Variants in CLNK observed in about 807,000 individuals in gnomAD.
The protein encoded by CLNK is cytokine-dependent hematopoietic cell linker.
CLNK carries 74 observed loss-of-function variants against 68.6 expected under a neutral mutation model. The observed-to-expected ratio is 1.08, with a 90% CI of 0.89 to 1.31. The LOEUF (loss-of-function observed/expected upper bound fraction) is 1.31. Among genes scored for constraint, CLNK ranks in the 50% most tolerant of loss-of-function variants. CLNK has a pLI of 0.00. For missense variants in CLNK, 553 were observed against 515.3 expected, an observed-to-expected ratio of 1.07 and a Z score of -0.71; for synonymous variants, 198 against 172.2, an observed-to-expected ratio of 1.15 and a Z score of -1.17.
chr4:10,681,821 C>A (rs941288606), intron 1 of CLNK, among the ~76,000 whole-genome samples: 2 of 152,106 alleles, frequency 1.3e-5, no homozygotes, highest in African/African-American at 4.8e-5. Flanking sequence ...TCATTTCTGG[C>A]ATATCCTCCT....
chr4:10,584,215 T>G (rs1720891319), intron 4 of CLNK, among the ~76,000 whole-genome samples: 1 of 152,200 alleles, frequency 6.6e-6, no homozygotes. Context: ...ACATGCTGAG[T>G]GCTGGTTTTG....
chr4:10,542,819 T>C (rs1275635186), intron 8 of CLNK, among the ~76,000 whole-genome samples: 1 of 151,622 alleles, frequency 6.6e-6, no homozygotes, highest in Non-Finnish European at 1.5e-5. Context: ...CTTTATTTTA[T>C]GGATGAAAAA....
At chr4:10,647,570 A>T (rs913623255) in intron 2 of CLNK, among the ~76,000 whole-genome samples, 1 of 152,152 alleles carries the variant, frequency 6.6e-6, no homozygotes, top group African/African-American at 2.4e-5. Flanking sequence ...TTGAGCTCTG[A>T]CTTGTAGAAA....
chr4:10,520,810 G>A lies in CLNK; in HGVS notation c.753C>T (p.Asn251=). The A allele has an allele frequency of 6.2e-7, 1 of 1,606,856 alleles. No individual in the cohort carries two copies. The highest frequency in any genetic ancestry group is 1.3e-5 in the African/African-American group (1 of 74,928). ...AISSSSFTTS[N]HSVQNRDHRG... ...TCTTACCTCTGTTTTGCACACTGTG[G>A]TTGCTTGTCGTGAATGAAGAACTAT... The change falls in exon 15 of 19, where the codon AAC becomes AAT. Residue 251 remains asparagine, a synonymous_variant. Transcript: ENST00000226951.
At chr4:10,543,536 G>T (rs752942611) in intron 8 of CLNK, among the ~76,000 whole-genome samples, 1 of 152,118 alleles carries the variant, frequency 6.6e-6, no homozygotes, top group Admixed American at 6.5e-5. Context: ...GTGCCTGGGC[G>T]CAGGGGGACT....
intron 2 of CLNK, among the ~76,000 whole-genome samples, chr4:10,651,274 A>G (rs1387093896): frequency 6.6e-6 from 1 of 152,236 alleles, no homozygotes; most frequent in African/African-American, 2.4e-5. Flanking sequence ...CACTATTCAC[A>G]ATACCAAAGA....
intron 2 of CLNK, among the ~76,000 whole-genome samples, chr4:10,641,571 C>T (rs1003173853): frequency 6.6e-6 from 1 of 152,154 alleles, no homozygotes; most frequent in Non-Finnish European, 1.5e-5. Context: ...GATGTATTCC[C>T]CCAGTTGCTG....
intron 2 of CLNK, among the ~76,000 whole-genome samples, chr4:10,658,449 A>C (rs549264088): frequency 1.3e-5 from 2 of 152,290 alleles, no homozygotes; most frequent in Admixed American, 6.5e-5. Context: ...GTTTGTTTTT[A>C]TCTCTCCTGG....
chr4:10,679,677 A>G (rs1177085810), intron 1 of CLNK, among the ~76,000 whole-genome samples: 3 of 152,182 alleles, frequency 2.0e-5, no homozygotes, highest in East Asian at 3.8e-4. Flanking sequence ...AAGAAAAAAA[A>G]CAAACAACCC....
At chr4:10,687,191 G>A (rs1039861231), upstream of CLNK, among the ~76,000 whole-genome samples, 4 of 145,042 alleles carry the variant, frequency 2.8e-5, no homozygotes, top group Admixed American at 7.2e-5. Flanking sequence ...GCAAGCTGTG[G>A]GGATATAGAG....
chr4:10,619,127 C>T lies in CLNK; in HGVS notation c.12-21078G>A, dbSNP rs377593690. Among the ~76,000 whole-genome samples the T allele has an allele frequency of 8.5e-5, 13 of 152,284 alleles. No individual in the cohort carries two copies. In the East Asian group the frequency reaches 1.2e-3, roughly 14 times the overall value. ...TTCTACACTGCCAGTTGCACAGTTC[C>T]GCTGAAACTTGGTAACACATTAGTC... On this transcript the variant is annotated intron_variant, in intron 2 of 18. Transcript: ENST00000226951.
chr4:10,571,711 T>C, intron 5 of CLNK, 30 bp downstream of exon 5: 2 of 1,579,224 alleles, frequency 1.3e-6, no homozygotes, highest in Non-Finnish European at 1.7e-6. Flanking sequence ...TAAAGACGTA[T>C]AAAATAGATA....
chr4:10,600,110 G>T (rs1721535765), intron 2 of CLNK, among the ~76,000 whole-genome samples: 1 of 151,930 alleles, frequency 6.6e-6, no homozygotes, highest in African/African-American at 2.4e-5. Context: ...CTCTCTCTCT[G>T]CCAAGTCATC....
In CLNK at chr4:10,603,965, G is replaced by A. The variant is rs560155353; in HGVS notation, c.12-5916C>T. Reference sequence around the variant, plus strand: ...TAGTAGAAGAGAATGAGAAGGAGCAGAAAGAAGGAGAAAGGAAGGGCTGAA... The same window carrying A: ...TAGTAGAAGAGAATGAGAAGGAGCAAAAAGAAGGAGAAAGGAAGGGCTGAA... On this transcript the variant is annotated intron_variant, in intron 2 of 18. Transcript: ENST00000226951. Among the ~76,000 whole-genome samples the A allele has an allele frequency of 3.3e-5, 5 of 152,306 alleles. No homozygotes were observed. The South Asian group carries it at 8.3e-4, about 25-fold the overall frequency.
At chr4:10,734,118 C>A in the CLNK span, among the ~76,000 whole-genome samples, 1 of 152,050 alleles carries the variant, frequency 6.6e-6, no homozygotes, top group South Asian at 2.1e-4. Context: ...ATTTTTTTCC[C>A]TAGAACAACC....
At chr4:10,608,280 T>C (rs891864216) in intron 2 of CLNK, among the ~76,000 whole-genome samples, 8 of 152,262 alleles carry the variant, frequency 5.3e-5, no homozygotes, top group African/African-American at 1.7e-4. Flanking sequence ...CCTGCTCAGC[T>C]GAAATACAGC....
intron 18 of CLNK, among the ~76,000 whole-genome samples, chr4:10,492,713 G>T (rs1006623777): frequency 6.6e-6 from 1 of 152,138 alleles, no homozygotes; most frequent in African/African-American, 2.4e-5. Context: ...ATGTGGGATG[G>T]GGGGAGGGGG....
rs369206856 is a variant in CLNK at position 10,622,423 on chromosome 4, C to A, written c.12-24374G>T. Among the ~76,000 whole-genome samples, 18 of 152,202 alleles carry A rather than the reference C, an allele frequency of 1.2e-4. No individual in the cohort carries two copies. In the East Asian group the frequency reaches 3.1e-3, roughly 26 times the overall value. On this transcript the variant is annotated intron_variant, in intron 2 of 18. Transcript: ENST00000226951. ...AATGTCATGCTCCTTTGAGAGCTTA[C>A]AATTCATGACGGGATGTGACAGGCT...
At chr4:10,667,833 G>A (rs753532688) in intron 2 of CLNK, 26 bp downstream of exon 2, 4 of 1,577,826 alleles carry the variant, frequency 2.5e-6, no homozygotes, top group Admixed American at 1.8e-5. Flanking sequence ...GGGAACTGGG[G>A]CTCACAGTGA....
Sources: gnomAD v4.1 joint callset for allele counts (sites outside exome capture counted in the v4.1 genomes callset) on GRCh38, gnomAD v4.1.1 for gene constraint, MANE v1.5 for transcripts, NCBI Gene and HGNC (gene_info 2026-07-23, HGNC 2026-07-21) for gene names.